The following TRIM44 variants were observed in gnomAD, a reference collection of about 807,000 sequenced individuals.
TRIM44 encodes tripartite motif-containing protein 44.
TRIM44 carries 13 observed loss-of-function variants against 37.4 expected under a neutral mutation model. That is an observed-to-expected ratio of 0.35 (90% CI 0.23 to 0.55). The LOEUF (loss-of-function observed/expected upper bound fraction) is 0.55, where lower values mean the gene tolerates loss of function less well. Among genes scored for constraint, TRIM44 ranks in the 20% least tolerant of loss-of-function variants. The pLI is 0.89. For missense variants in TRIM44, 426 were observed against 437.2 expected (o/e 0.97, Z 0.23); for synonymous variants, 175 against 157.2 (o/e 1.11, Z -0.85).
chr11:35,743,813 C>G (rs1852448050), intron 4 of TRIM44, among the ~76,000 whole-genome samples: 1 of 152,186 alleles, frequency 6.6e-6, no homozygotes, highest in Non-Finnish European at 1.5e-5. Context: ...GCCATGGATA[C>G]AGGGTTACCA....
intron 4 of TRIM44, among the ~76,000 whole-genome samples, chr11:35,769,816 A>G (rs1852842755): frequency 6.6e-6 from 1 of 152,216 alleles, no homozygotes; most frequent in Admixed American, 6.5e-5. Context: ...AGTGTAAGGA[A>G]TTAGATGTAT....
In TRIM44 at chr11:35,747,755, G is replaced by A. The variant is rs145385867; in HGVS notation, c.1007+12310G>A. Among the ~76,000 whole-genome samples the A allele has an allele frequency of 1.8e-3, 279 of 152,236 alleles. 2 individuals are homozygous for A. Among genetic ancestry groups the A allele is most frequent in the African/African-American group, 6.5e-3 (268 of 41,544 alleles). The stretch of plus-strand genomic sequence containing the variant: ...TTACTCACTGGCTGTGGAGCCATCA[G>A]CTGCCATTGCCTCTTCTGAAAGAGC... On this transcript the variant is annotated intron_variant, in intron 4 of 4. Coordinates refer to ENST00000299413, the MANE Select transcript of TRIM44 (RefSeq NM_017583.6).
intron 3 of TRIM44, among the ~76,000 whole-genome samples, chr11:35,728,064 G>A (rs994106818): frequency 6.6e-5 from 10 of 152,310 alleles, no homozygotes; most frequent in Non-Finnish European, 1.0e-4. Context: ...GGTGGCTCAC[G>A]CCTGTAATCC....
chr11:35,696,449 A>AT (rs924828869), intron 2 of TRIM44, among the ~76,000 whole-genome samples: 1 of 151,864 alleles, frequency 6.6e-6, no homozygotes, highest in African/African-American at 2.4e-5. Context: ...GCCGTCAAAA[A>AT]TTTTTTAAAA....
chr11:35,798,832 A>G (rs1247271480), intron 4 of TRIM44, among the ~76,000 whole-genome samples: 2 of 152,240 alleles, frequency 1.3e-5, no homozygotes, highest in African/African-American at 4.8e-5. Flanking sequence ...AGCTGATTTT[A>G]TAAAAGATAA....
At chr11:35,680,229 C>T (rs576919150) in intron 1 of TRIM44, among the ~76,000 whole-genome samples, 1 of 152,280 alleles carries the variant, frequency 6.6e-6, no homozygotes, top group African/African-American at 2.4e-5. Flanking sequence ...CTGCTTCTCT[C>T]CCTGCCTTAC....
At chr11:35,714,267 C>T (rs994222506) in intron 2 of TRIM44, among the ~76,000 whole-genome samples, 1 of 152,054 alleles carries the variant, frequency 6.6e-6, no homozygotes, top group Non-Finnish European at 1.5e-5. Context: ...GTTCTGTGTG[C>T]CCGGAGAGCC....
chr11:35,797,223 T>A (rs1247974351), intron 4 of TRIM44, among the ~76,000 whole-genome samples: 1 of 152,164 alleles, frequency 6.6e-6, no homozygotes, highest in Non-Finnish European at 1.5e-5. Context: ...AGGCCAAAGC[T>A]GAGCAGTTTG....
intron 2 of TRIM44, among the ~76,000 whole-genome samples, chr11:35,716,038 C>T (rs1177125838): frequency 6.6e-6 from 1 of 152,070 alleles, no homozygotes; most frequent in Non-Finnish European, 1.5e-5. Flanking sequence ...TGGGTGGGGA[C>T]ACAGATCCAA....
At chr11:35,778,464 C>T (rs1236226632) in intron 4 of TRIM44, among the ~76,000 whole-genome samples, 7 of 152,122 alleles carry the variant, frequency 4.6e-5, no homozygotes, top group African/African-American at 1.7e-4. Flanking sequence ...TCTCTCAAGT[C>T]GTCAAAGTCA....
chr11:35,711,072 T>C (rs1667261100), intron 2 of TRIM44, among the ~76,000 whole-genome samples: 1 of 152,116 alleles, frequency 6.6e-6, no homozygotes, highest in Admixed American at 6.5e-5. Context: ...CTAATAGCAA[T>C]GGGGTTTCTT....
At chr11:35,751,281 CAT>C (rs1296146683) in intron 4 of TRIM44, among the ~76,000 whole-genome samples, 1 of 152,228 alleles carries the variant, frequency 6.6e-6, no homozygotes. Context: ...ACATGTTTAT[CAT>C]ATGTTGGGAA....
intron 4 of TRIM44, among the ~76,000 whole-genome samples, chr11:35,760,285 T>A (rs753977639): frequency 6.0e-4 from 92 of 152,208 alleles, no homozygotes; most frequent in Admixed American, 1.3e-3. Flanking sequence ...CGTAGGACCC[T>A]CCGAGCCAGG....
chr11:35,748,122 G>A (rs1000488410), intron 4 of TRIM44, among the ~76,000 whole-genome samples: 2 of 152,220 alleles, frequency 1.3e-5, no homozygotes, highest in Non-Finnish European at 2.9e-5. Flanking sequence ...CACGTAGGCT[G>A]TGAAAAGAAA....
At chr11:35,793,148 C>T (rs1853236700) in intron 4 of TRIM44, among the ~76,000 whole-genome samples, 1 of 142,530 alleles carries the variant, frequency 7.0e-6, no homozygotes, top group Admixed American at 7.2e-5. Context: ...GAGTCATGAC[C>T]GGCTGCAGTT....
At chr11:35,729,172 A>C (rs1175992959) in intron 3 of TRIM44, among the ~76,000 whole-genome samples, 2 of 148,216 alleles carry the variant, frequency 1.3e-5, no homozygotes, top group African/African-American at 5.0e-5. Flanking sequence ...ACACACAGAC[A>C]AAAAAAAAAT....
At position 35,746,150 on chromosome 11, in the gene TRIM44, T is replaced by C. The variant is rs9633874; in HGVS notation, c.1007+10705T>C. Among the ~76,000 whole-genome samples, 2,112 of 152,336 alleles carry C rather than the reference T, an allele frequency of 0.014. 118 individuals are homozygous for C. The East Asian group carries it at 0.14, about 10-fold the overall frequency. ...TAGATCCAATGCTGAGGAGTCTAGCTGCAGCCTAATTCTCTTCTTCCTTAT... is the reference window on the plus strand; with the variant it reads ...TAGATCCAATGCTGAGGAGTCTAGCCGCAGCCTAATTCTCTTCTTCCTTAT... On this transcript the variant is annotated intron_variant, in intron 4 of 4. Coordinates refer to ENST00000299413, the MANE Select transcript of TRIM44 (RefSeq NM_017583.6).
Position 35,735,637 on chromosome 11 carries a change from A to G in TRIM44, c.1007+192A>G, listed in dbSNP as rs1852318852. 2.0e-5 allele frequency among the ~76,000 whole-genome samples: 3 copies of G among 152,174 alleles called. 1 individual carries two copies. Among genetic ancestry groups the G allele is most frequent in the Admixed American group, 2.0e-4 (3 of 15,262 alleles). ...CTCATCTATGTCATTTCCTGCCTGT[A>G]ACCTTCAGATAAGTAACTTTGTTGT... On this transcript the variant is annotated intron_variant, in intron 4 of 4. Transcript: ENST00000299413.
chr11:35,758,917 C>G (rs1480312531), intron 4 of TRIM44, among the ~76,000 whole-genome samples: 1 of 152,194 alleles, frequency 6.6e-6, no homozygotes, highest in African/African-American at 2.4e-5. Flanking sequence ...ACCTTTCTCT[C>G]TGGCTGCCCT....
Sources: allele counts gnomAD v4.1 joint callset (sites outside exome capture counted in the v4.1 genomes callset), GRCh38; gene constraint gnomAD v4.1.1; transcripts MANE v1.5; gene names NCBI Gene and HGNC (gene_info 2026-07-23, HGNC 2026-07-21).